The following GALNT17 variants were observed in gnomAD, a reference collection of about 807,000 sequenced individuals.
GALNT17 encodes UDP-GalNAc:polypeptide N-acetylgalactosaminyltransferase-like 3.
In GALNT17, 29 loss-of-function variants were observed where a neutral mutation model predicts 63.7. That is an observed-to-expected ratio of 0.46 (90% CI 0.34 to 0.62). GALNT17 has a LOEUF of 0.62. GALNT17 is among the 20% of genes least tolerant of loss of function. The probability of loss-of-function intolerance (pLI) is 0.01; values close to 1 mark genes in which losing one functional copy is unlikely to be tolerated. For synonymous variants in GALNT17, 305 were observed against 318.3 expected, an observed-to-expected ratio of 0.96 and a Z score of 0.45; for missense variants, 603 against 799.6, an observed-to-expected ratio of 0.75 and a Z score of 2.97.
chr7:71,444,549 C>T (rs113355383), intron 5 of GALNT17, among the ~76,000 whole-genome samples: 1,802 of 152,286 alleles, frequency 0.012, 35 homozygotes, highest in African/African-American at 0.041. Context: ...AAAATGTTAA[C>T]TGAGGGCCGG....
At chr7:71,665,291 T>A in intron 6 of GALNT17, 120 bp from the exon 7 acceptor site, 1 of 1,055,706 alleles carries the variant, frequency 9.5e-7, no homozygotes, top group South Asian at 1.6e-5. Context: ...ATTGGCTTTA[T>A]ATATTAAAAT....
intron 6 of GALNT17, among the ~76,000 whole-genome samples, chr7:71,607,275 A>G (rs1191251790): frequency 6.6e-6 from 1 of 152,262 alleles, no homozygotes; most frequent in Non-Finnish European, 1.5e-5. Flanking sequence ...GGAGTTCATC[A>G]TCAGTTCACT....
chr7:71,711,954 T>G, intron 10 of GALNT17, 64 bp from the exon 11 acceptor site: 1 of 1,561,022 alleles, frequency 6.4e-7, no homozygotes, highest in Non-Finnish European at 8.8e-7. Flanking sequence ...CCTCTCTCTA[T>G]ATCTCTCGCT....
intron 1 of GALNT17, chr7:71,284,050 A>C (rs1790825421): frequency 1.3e-5 from 2 of 152,112 alleles, no homozygotes; most frequent in Admixed American, 6.6e-5. Context: ...GGAAGCCCGC[A>C]GCTGCAACCG....
chr7:71,421,496 A>T (rs1295388740), intron 5 of GALNT17, among the ~76,000 whole-genome samples: 6 of 152,126 alleles, frequency 3.9e-5, no homozygotes, highest in African/African-American at 1.4e-4. Flanking sequence ...CTTTTTCATG[A>T]TACAAGATCA....
intron 5 of GALNT17, among the ~76,000 whole-genome samples, chr7:71,535,530 A>G (rs139038991): frequency 5.9e-5 from 9 of 152,336 alleles, no homozygotes; most frequent in Non-Finnish European, 1.0e-4. Flanking sequence ...TATAATGTCT[A>G]TGTATTCTCA....
At chr7:71,507,398 A>G (rs1488869093) in intron 5 of GALNT17, among the ~76,000 whole-genome samples, 1 of 152,216 alleles carries the variant, frequency 6.6e-6, no homozygotes, top group Non-Finnish European at 1.5e-5. Context: ...AATTAAATTC[A>G]GCTAAAATGA....
intron 5 of GALNT17, among the ~76,000 whole-genome samples, chr7:71,496,651 C>T (rs1788100278): frequency 6.6e-6 from 1 of 152,124 alleles, no homozygotes; most frequent in Non-Finnish European, 1.5e-5. Context: ...ACAGACAGCA[C>T]CCTCTTTCCT....
chr7:71,185,474 A>G (rs1788832392), intron 1 of GALNT17, among the ~76,000 whole-genome samples: 4 of 150,282 alleles, frequency 2.7e-5, no homozygotes, highest in Admixed American at 2.7e-4. Flanking sequence ...CTGCGATTAC[A>G]GGCATGAGCC....
chr7:71,288,335 C>T (rs1308005150), intron 1 of GALNT17, among the ~76,000 whole-genome samples: 1 of 151,614 alleles, frequency 6.6e-6, no homozygotes, highest in Non-Finnish European at 1.5e-5. Context: ...GTAGGCTGAG[C>T]AGGAAAAGGG....
intron 1 of GALNT17, among the ~76,000 whole-genome samples, chr7:71,289,759 A>G (rs534533666): frequency 2.3e-4 from 35 of 152,138 alleles, no homozygotes; most frequent in South Asian, 6.2e-4. Context: ...CATGCCTGTA[A>G]TCCCAGCTAC....
chr7:71,188,614 G>A (rs1329442058), intron 1 of GALNT17, among the ~76,000 whole-genome samples: 2 of 152,112 alleles, frequency 1.3e-5, no homozygotes, highest in African/African-American at 4.8e-5. Context: ...TGAGTTCATT[G>A]TAGATTCTGG....
At chr7:71,361,047 A>G (rs1367043546) in intron 2 of GALNT17, among the ~76,000 whole-genome samples, 4 of 152,194 alleles carry the variant, frequency 2.6e-5, no homozygotes, top group Middle Eastern at 3.2e-3. Context: ...ATTGGTATCA[A>G]CAAGCTCTTA....
chr7:71,682,561 T>C (rs1791283278), intron 9 of GALNT17, among the ~76,000 whole-genome samples: 1 of 144,568 alleles, frequency 6.9e-6, no homozygotes, highest in South Asian at 2.5e-4. Flanking sequence ...TTTCTCTTTT[T>C]AGAGACAAGG....
intron 5 of GALNT17, among the ~76,000 whole-genome samples, chr7:71,523,788 A>T (rs1035802424): frequency 7.6e-6 from 1 of 131,440 alleles, no homozygotes; most frequent in Non-Finnish European, 1.7e-5. Flanking sequence ...AATAAATAAT[A>T]AAGAAAAGAA....
chr7:71,368,994 A>C (rs994597277), intron 2 of GALNT17, among the ~76,000 whole-genome samples: 4 of 152,104 alleles, frequency 2.6e-5, no homozygotes, highest in Non-Finnish European at 4.4e-5. Context: ...TAAAGTCACC[A>C]TCCTCAGCAA....
intron 5 of GALNT17, among the ~76,000 whole-genome samples, chr7:71,456,194 C>T (rs755805361): frequency 1.3e-5 from 2 of 151,532 alleles, no homozygotes; most frequent in African/African-American, 2.4e-5. Flanking sequence ...TGCAGTGAGG[C>T]GAGATCGCAC....
At chr7:71,370,630 C>T (rs1014401642) in intron 2 of GALNT17, among the ~76,000 whole-genome samples, 3 of 151,662 alleles carry the variant, frequency 2.0e-5, no homozygotes, top group Non-Finnish European at 4.4e-5. Flanking sequence ...GATTACATGC[C>T]CTAATTTTTG....
chr7:71,216,450 C>A (rs1208366050), intron 1 of GALNT17, among the ~76,000 whole-genome samples: 1 of 152,140 alleles, frequency 6.6e-6, no homozygotes, highest in Non-Finnish European at 1.5e-5. Flanking sequence ...GACTCAGATA[C>A]ATTCAACTTC....
Sources: allele counts gnomAD v4.1 joint callset (sites outside exome capture counted in the v4.1 genomes callset), GRCh38; gene constraint gnomAD v4.1.1; transcripts MANE v1.5; gene names NCBI Gene and HGNC (gene_info 2026-07-23, HGNC 2026-07-21).